Variants in TGFBR3 observed in about 807,000 individuals in gnomAD.
TGFBR3 encodes transforming growth factor beta receptor 3.
A neutral mutation model predicts 87.9 loss-of-function variants in TGFBR3; 46 were observed. That is an observed-to-expected ratio of 0.52 (90% CI 0.41 to 0.67). The LOEUF (loss-of-function observed/expected upper bound fraction) is 0.67, where lower values mean the gene tolerates loss of function less well. Among genes scored for constraint, TGFBR3 ranks in the 30% least tolerant of loss-of-function variants. The pLI, the probability that TGFBR3 is intolerant of heterozygous loss-of-function variation, is 0.00. For missense variants in TGFBR3, 866 were observed against 1,041.9 expected, an observed-to-expected ratio of 0.83 and a Z score of 2.32; for synonymous variants, 381 against 391.6, an observed-to-expected ratio of 0.97 and a Z score of 0.32.
At chr1:91,814,569 C>T (rs185326167) in intron 2 of TGFBR3, among the ~76,000 whole-genome samples, 4 of 152,230 alleles carry the variant, frequency 2.6e-5, no homozygotes, top group Non-Finnish European at 5.9e-5. Flanking sequence ...CAACTGACAA[C>T]CACAAGACAA....
At position 91,904,511 on chromosome 1, in the gene TGFBR3, C is replaced by T. The variant is rs538009005; in HGVS notation, c.-175+1315G>A. ...TCCCGGGTTCAAGCAATTCTCCTGC[C>T]TCAGCCTCCCAGGTAGCTGGGATTA... On this transcript the variant is annotated intron_variant, in intron 1 of 17. Transcript: ENST00000370399. 4.6e-5 allele frequency among the ~76,000 whole-genome samples: 7 copies of T among 151,718 alleles called. No individual in the cohort carries two copies. In the South Asian group the frequency reaches 1.5e-3, roughly 32 times the overall value.
intron 2 of TGFBR3, among the ~76,000 whole-genome samples, chr1:91,896,257 C>A (rs776751785): frequency 2.6e-5 from 4 of 152,170 alleles, no homozygotes; most frequent in Non-Finnish European, 5.9e-5. Context: ...ATGGCAGCAT[C>A]TGACAGGTAT....
chr1:91,765,402 AGGG>A (rs1674142619), intron 3 of TGFBR3, among the ~76,000 whole-genome samples: 1 of 151,962 alleles, frequency 6.6e-6, no homozygotes, highest in South Asian at 2.1e-4. Context: ...GGCCAGAACA[AGGG>A]GGTTGGGGTG....
At chr1:91,812,382 A>C (rs1021043573) in intron 2 of TGFBR3, among the ~76,000 whole-genome samples, 4 of 152,156 alleles carry the variant, frequency 2.6e-5, no homozygotes, top group African/African-American at 9.7e-5. Context: ...TTCTTGTTTC[A>C]AAAAAGTAAG....
intron 2 of TGFBR3, among the ~76,000 whole-genome samples, chr1:91,851,988 G>A (rs1677753795): frequency 6.6e-6 from 1 of 152,184 alleles, no homozygotes; most frequent in Non-Finnish European, 1.5e-5. Flanking sequence ...AGTGGCTCAC[G>A]CCTGTAATCC....
intron 15 of TGFBR3, among the ~76,000 whole-genome samples, chr1:91,697,692 C>T (rs941001462): frequency 1.4e-4 from 21 of 152,310 alleles, no homozygotes; most frequent in African/African-American, 3.4e-4. Flanking sequence ...CTTAGCATTA[C>T]GCCTCTGAGC....
At chr1:91,709,235 T>C (rs959552653) in intron 13 of TGFBR3, among the ~76,000 whole-genome samples, 4 of 152,148 alleles carry the variant, frequency 2.6e-5, no homozygotes, top group African/African-American at 9.7e-5. Flanking sequence ...AAACTGAAAA[T>C]ATCACTAAGT....
chr1:91,843,428 C>T (rs956141768), intron 2 of TGFBR3, among the ~76,000 whole-genome samples: 10 of 152,218 alleles, frequency 6.6e-5, no homozygotes, highest in Non-Finnish European at 1.3e-4. Flanking sequence ...ATCTTGATCA[C>T]AGACTTACAG....
intron 6 of TGFBR3, among the ~76,000 whole-genome samples, chr1:91,729,285 T>TACACACACACACACAC (rs72204982): frequency 1.3e-4 from 18 of 143,210 alleles, no homozygotes; most frequent in African/African-American, 2.4e-4. Flanking sequence ...TGCATGCGCA[T>TACACACACACACACAC]ACACACACAC....
chr1:91,852,141 C>T (rs1677759719), intron 2 of TGFBR3, among the ~76,000 whole-genome samples: 2 of 151,974 alleles, frequency 1.3e-5, no homozygotes, highest in Non-Finnish European at 1.5e-5. Context: ...TCCAGCTACT[C>T]AAGAGGCTGA....
At chr1:91,785,125 C>T (rs1455035286) in intron 3 of TGFBR3, among the ~76,000 whole-genome samples, 1 of 152,182 alleles carries the variant, frequency 6.6e-6, no homozygotes, top group Non-Finnish European at 1.5e-5. Flanking sequence ...TATAGCCACA[C>T]AATGAAAACT....
At chr1:91,853,175 T>C (rs1276496479) in intron 2 of TGFBR3, among the ~76,000 whole-genome samples, 5 of 98,942 alleles carry the variant, frequency 5.1e-5, no homozygotes, top group Non-Finnish European at 8.5e-5. Flanking sequence ...ACAAATAAAA[T>C]AAAAATAAGA....
chr1:91,770,075 T>G (rs1054793147), intron 3 of TGFBR3, among the ~76,000 whole-genome samples: 4 of 152,198 alleles, frequency 2.6e-5, no homozygotes, highest in Non-Finnish European at 5.9e-5. Context: ...CTGGACTGCC[T>G]GCCCTGGTGC....
At chr1:91,876,112 G>A (rs1453293632) in intron 1 of TGFBR3, among the ~76,000 whole-genome samples, 1 of 152,000 alleles carries the variant, frequency 6.6e-6, no homozygotes, top group Admixed American at 6.6e-5. Context: ...TGTGGTGGGG[G>A]TGTGGTGGGC....
At chr1:91,718,373 T>C (rs1246973569) in intron 10 of TGFBR3, among the ~76,000 whole-genome samples, 2 of 152,072 alleles carry the variant, frequency 1.3e-5, no homozygotes, top group Non-Finnish European at 2.9e-5. Flanking sequence ...GAGCACCTGA[T>C]TGCTAGCCTC....
At chr1:91,838,332 A>G (rs1014814902) in intron 2 of TGFBR3, among the ~76,000 whole-genome samples, 4 of 152,202 alleles carry the variant, frequency 2.6e-5, no homozygotes, top group African/African-American at 9.7e-5. Flanking sequence ...TTAAATATTT[A>G]TTAATTCACT....
At chr1:91,841,734 CTG>C (rs1677289608) in intron 2 of TGFBR3, among the ~76,000 whole-genome samples, 1 of 147,048 alleles carries the variant, frequency 6.8e-6, no homozygotes, top group South Asian at 2.1e-4. Flanking sequence ...GCGAAGGTTG[CTG>C]TGAGCTGAGA....
chr1:91,841,924 C>T (rs1021766430), intron 2 of TGFBR3, among the ~76,000 whole-genome samples: 4 of 151,438 alleles, frequency 2.6e-5, no homozygotes, highest in Non-Finnish European at 5.9e-5. Flanking sequence ...CAGAGCAAAA[C>T]CCCGTCTCTA....
intron 3 of TGFBR3, among the ~76,000 whole-genome samples, chr1:91,778,100 T>C (rs1438400110): frequency 1.3e-5 from 2 of 151,890 alleles, no homozygotes; most frequent in African/African-American, 4.8e-5. Flanking sequence ...AAAAGCATTT[T>C]CCCAAGTATT....
Sources: allele counts gnomAD v4.1 joint callset (sites outside exome capture counted in the v4.1 genomes callset), GRCh38; gene constraint gnomAD v4.1.1; transcripts MANE v1.5; gene names NCBI Gene and HGNC (gene_info 2026-07-23, HGNC 2026-07-21).